The following FRMD4A variants were observed in gnomAD, a reference collection of about 807,000 sequenced individuals.
The protein encoded by FRMD4A is FERM domain-containing protein 4A.
Under a neutral mutation model 129.1 loss-of-function variants are expected in FRMD4A, and 29 were observed. That is an observed-to-expected ratio of 0.22 (90% CI 0.17 to 0.31). FRMD4A has a LOEUF of 0.31. Ranked by LOEUF, FRMD4A falls within the 10% of genes least tolerant of loss-of-function variation. The pLI is 1.00. For synonymous variants in FRMD4A, 634 were observed against 571.6 expected (o/e 1.11, Z -1.56); for missense variants, 1,272 against 1,375.8 (o/e 0.92, Z 1.19).
At chr10:13,651,188 G>C (rs1403369674) in intron 24 of FRMD4A, 2 of 152,212 alleles carry the variant, frequency 1.3e-5, no homozygotes, top group African/African-American at 4.8e-5. Context: ...GCTTTCTAAC[G>C]AGCTCCCAGG....
At chr10:14,262,257 G>A (rs1454572187) in intron 2 of FRMD4A, among the ~76,000 whole-genome samples, 1 of 152,088 alleles carries the variant, frequency 6.6e-6, no homozygotes, top group Non-Finnish European at 1.5e-5. Context: ...ACTTAGCCCG[G>A]TTATCTCTTC....
intron 2 of FRMD4A, among the ~76,000 whole-genome samples, chr10:14,294,005 T>C (rs1301471558): frequency 6.6e-6 from 1 of 152,188 alleles, no homozygotes; most frequent in African/African-American, 2.4e-5. Context: ...ATGTATTACT[T>C]GGGAATAATT....
chr10:13,809,612 C>T (rs549541963), intron 4 of FRMD4A, among the ~76,000 whole-genome samples: 26 of 152,312 alleles, frequency 1.7e-4, no homozygotes, highest in South Asian at 1.2e-3. Context: ...TCCTGCCCAC[C>T]GACGGCCACT....
Position 14,261,987 on chromosome 10 carries a change from C to CA in FRMD4A, c.45+68070_45+68071insT, listed in dbSNP as rs3222480. On this transcript the variant is annotated intron_variant, in intron 2 of 24. Coordinates refer to ENST00000357447, the MANE Select transcript of FRMD4A (RefSeq NM_018027.5). ...ACACACACACACACACACACACACA[C>CA]CTCATTTTCCCTAGTTCCCCTCTCT... 7.5e-5 allele frequency among the ~76,000 whole-genome samples: 11 copies of CA among 146,226 alleles called. No homozygotes were observed. The East Asian group carries it at 1.4e-3, about 19-fold the overall frequency.
intron 2 of FRMD4A, among the ~76,000 whole-genome samples, chr10:14,036,630 T>C (rs931317060): frequency 1.4e-4 from 21 of 152,224 alleles, no homozygotes; most frequent in African/African-American, 4.3e-4. Context: ...ACTCAAGTTT[T>C]TGGGATGGAG....
chr10:14,243,518 AG>A (rs1187520109), intron 2 of FRMD4A, among the ~76,000 whole-genome samples: 1 of 152,180 alleles, frequency 6.6e-6, no homozygotes, highest in Non-Finnish European at 1.5e-5. Context: ...TCTTTAAAGC[AG>A]TATGAAAATA....
intron 22 of FRMD4A, chr10:13,654,825 T>A: frequency 2.4e-6 from 1 of 421,242 alleles, no homozygotes; most frequent in African/African-American, 2.0e-5. Context: ...GGCATAGGGA[T>A]GGTGACGGTT....
intron 2 of FRMD4A, among the ~76,000 whole-genome samples, chr10:14,183,482 T>G (rs1841975967): frequency 6.6e-6 from 1 of 152,166 alleles, no homozygotes; most frequent in African/African-American, 2.4e-5. Context: ...AAACAATAAA[T>G]GTGCCTCAAT....
intron 2 of FRMD4A, among the ~76,000 whole-genome samples, chr10:14,240,461 C>A (rs572303516): frequency 6.6e-6 from 1 of 152,262 alleles, no homozygotes; most frequent in South Asian, 2.1e-4. Flanking sequence ...CCCTCCACAT[C>A]CTGGCAAAGG....
At chr10:13,762,159 T>C (rs1233684557) in intron 7 of FRMD4A, among the ~76,000 whole-genome samples, 1 of 152,228 alleles carries the variant, frequency 6.6e-6, no homozygotes, top group East Asian at 1.9e-4. Flanking sequence ...AAAGAAATGA[T>C]ATCATTTTAA....
chr10:14,329,968 T>C (rs999557477), intron 2 of FRMD4A, 90 bp downstream of exon 2: 11 of 1,204,572 alleles, frequency 9.1e-6, no homozygotes, highest in Non-Finnish European at 1.3e-5. Flanking sequence ...TGAACATGTC[T>C]GCAGCCACTG....
intron 2 of FRMD4A, among the ~76,000 whole-genome samples, chr10:13,999,695 C>T (rs1692661174): frequency 6.6e-6 from 1 of 152,212 alleles, no homozygotes; most frequent in South Asian, 2.1e-4. Context: ...AATATCCCCA[C>T]AAGGGTTGTG....
At chr10:13,738,984 G>T (rs1210375388) in intron 11 of FRMD4A, among the ~76,000 whole-genome samples, 2 of 152,128 alleles carry the variant, frequency 1.3e-5, no homozygotes, top group Non-Finnish European at 2.9e-5. Flanking sequence ...TATTCAAATA[G>T]GATGATTCTG....
intron 2 of FRMD4A, among the ~76,000 whole-genome samples, chr10:14,208,813 C>T (rs1842857382): frequency 6.6e-6 from 1 of 152,164 alleles, no homozygotes; most frequent in African/African-American, 2.4e-5. Context: ...GGTTCCCATT[C>T]CCGGATCCTT....
chr10:14,196,863 T>A (rs2131932720), intron 2 of FRMD4A, among the ~76,000 whole-genome samples: 1 of 152,340 alleles, frequency 6.6e-6, no homozygotes, highest in East Asian at 1.9e-4. Flanking sequence ...TGGTTTGGGC[T>A]AAACTTCTTA....
intron 15 of FRMD4A, among the ~76,000 whole-genome samples, chr10:13,688,487 A>G (rs1202470242): frequency 1.3e-5 from 2 of 152,182 alleles, no homozygotes; most frequent in Non-Finnish European, 2.9e-5. Flanking sequence ...TGGCACATGT[A>G]TACGTGTGTA....
chr10:14,239,652 C>CAAAAA (rs529527490), intron 2 of FRMD4A, among the ~76,000 whole-genome samples: 12 of 149,852 alleles, frequency 8.0e-5, no homozygotes, highest in South Asian at 6.3e-4. Context: ...AACAAACAAA[C>CAAAAA]AAAAAAAAAC....
chr10:14,120,300 T>C (rs1299336263), intron 2 of FRMD4A, among the ~76,000 whole-genome samples: 1 of 152,100 alleles, frequency 6.6e-6, no homozygotes, highest in African/African-American at 2.4e-5. Flanking sequence ...TTTATTTCTT[T>C]CTTAGGTCTA....
At chr10:14,232,497 G>A (rs7903813) in intron 2 of FRMD4A, among the ~76,000 whole-genome samples, 10,959 of 152,210 alleles carry the variant, frequency 0.072, 423 homozygotes, top group Middle Eastern at 0.11. Context: ...AAAAATAGCT[G>A]CTGAATCTAG....
Sources: allele counts gnomAD v4.1 joint callset (sites outside exome capture counted in the v4.1 genomes callset), GRCh38; gene constraint gnomAD v4.1.1; transcripts MANE v1.5; gene names NCBI Gene and HGNC (gene_info 2026-07-23, HGNC 2026-07-21).